The following TMPRSS11F variants were observed in gnomAD, a reference collection of about 807,000 sequenced individuals.
TMPRSS11F encodes the protein transmembrane protease serine 11F.
TMPRSS11F carries 47 observed loss-of-function variants against 60.2 expected under a neutral mutation model. The ratio of observed to expected loss-of-function variants is 0.78; its 90% confidence interval spans 0.62 to 1.00. The LOEUF is 1.00. Among genes scored for constraint, TMPRSS11F ranks in the 50% least tolerant of loss-of-function variants. The probability of loss-of-function intolerance (pLI) is 0.00; values close to 1 mark genes in which losing one functional copy is unlikely to be tolerated. For synonymous variants in TMPRSS11F, 166 were observed against 167.3 expected, an observed-to-expected ratio of 0.99 and a Z score of 0.06; for missense variants, 519 against 522.9, an observed-to-expected ratio of 0.99 and a Z score of 0.07.
chr4:68,129,840 C>G lies in TMPRSS11F; in HGVS notation c.-20G>C. 1 of 1,613,176 alleles carries G rather than the reference C, an allele frequency of 6.2e-7. No individual in the cohort carries two copies. The highest frequency in any genetic ancestry group is 8.5e-7 in the Non-Finnish European group (1 of 1,179,302). ...CATCATGAACCCAGGACTGGGGCAG[C>G]TTCTATTCAGTCACCATCTGATCTG... On this transcript the variant is annotated 5_prime_UTR_variant, in exon 1 of 10. Transcript: ENST00000356291.
intron 3 of TMPRSS11F, among the ~76,000 whole-genome samples, chr4:68,085,466 T>G (rs974891594): frequency 6.6e-6 from 1 of 152,216 alleles, no homozygotes; most frequent in Non-Finnish European, 1.5e-5. Context: ...GGTTTTGATT[T>G]GCATTTAAAC....
chr4:68,090,128 C>T (rs1033179268), intron 3 of TMPRSS11F, among the ~76,000 whole-genome samples: 1 of 151,996 alleles, frequency 6.6e-6, no homozygotes, highest in Non-Finnish European at 1.5e-5. Flanking sequence ...AGCTATACCA[C>T]GTCCTTTTAT....
intron 1 of TMPRSS11F, among the ~76,000 whole-genome samples, chr4:68,119,954 T>C (rs1053150965): frequency 6.6e-6 from 1 of 152,116 alleles, no homozygotes; most frequent in South Asian, 2.1e-4. Flanking sequence ...GGAGGGAAGG[T>C]CAAAATATCA....
At chr4:68,057,257 C>A (rs180963993) in intron 9 of TMPRSS11F, among the ~76,000 whole-genome samples, 77 of 148,896 alleles carry the variant, frequency 5.2e-4, no homozygotes, top group Non-Finnish European at 8.6e-4. Context: ...TGCACTCCAG[C>A]CTGAGTGACA....
chr4:68,072,572 A>G, intron 4 of TMPRSS11F, 86 bp from the exon 5 acceptor site: 1 of 1,052,382 alleles, frequency 9.5e-7, no homozygotes, highest in Non-Finnish European at 1.3e-6. Context: ...AACTTAAAAA[A>G]CATAATGCAT....
At chr4:68,107,908 GC>G (rs757191012) in intron 1 of TMPRSS11F, among the ~76,000 whole-genome samples, 1 of 152,148 alleles carries the variant, frequency 6.6e-6, no homozygotes, top group Non-Finnish European at 1.5e-5. Flanking sequence ...CTGCACTCCA[GC>G]CTGGAGACAA....
At position 68,053,849 on chromosome 4, in the gene TMPRSS11F, A is replaced by T; in HGVS notation, c.*60T>A. 6.7e-7 allele frequency: 1 copy of T among 1,496,572 alleles called. No homozygotes were observed. Among genetic ancestry groups the T allele is most frequent in the Non-Finnish European group, 9.1e-7 (1 of 1,093,946 alleles). 92.7% of individuals were successfully genotyped at this position (1,496,572 alleles called of 1,614,324 possible). A position where few individuals can be genotyped will look rare whatever the true frequency, so the allele number is the denominator to read the frequency against. On this transcript the variant is annotated 3_prime_UTR_variant, in exon 10 of 10. Transcript: ENST00000356291. ...TCCAAAGTAAATGAATTTAAACAAT[A>T]CAAAATACGCAGGAGTATCAGCTCT... is the stretch of plus-strand genomic sequence containing the variant.
At chr4:68,059,177 A>G in intron 9 of TMPRSS11F, 149 bp downstream of exon 9, 2 of 818,560 alleles carry the variant, frequency 2.4e-6, no homozygotes, top group Non-Finnish European at 3.7e-6. Context: ...ACTCAATACA[A>G]TTATTGTTAT....
At chr4:68,085,676 C>A (rs1408437955) in intron 3 of TMPRSS11F, among the ~76,000 whole-genome samples, 2 of 152,114 alleles carry the variant, frequency 1.3e-5, no homozygotes, top group African/African-American at 2.4e-5. Flanking sequence ...TTCAAAAGAA[C>A]CATCTCACAT....
intron 9 of TMPRSS11F, among the ~76,000 whole-genome samples, 188 bp downstream of exon 9, chr4:68,059,138 C>T (rs1478140731): frequency 6.6e-6 from 1 of 151,130 alleles, no homozygotes; most frequent in African/African-American, 2.4e-5. Flanking sequence ...ATAAAAAGTG[C>T]TTAATTTTTG....
intron 1 of TMPRSS11F, 111 bp downstream of exon 1, chr4:68,129,699 A>G: frequency 1.1e-6 from 1 of 943,660 alleles, no homozygotes. Flanking sequence ...ACACATTAAA[A>G]CTCTAATGTT....
intron 3 of TMPRSS11F, among the ~76,000 whole-genome samples, chr4:68,083,514 A>G (rs1243317443): frequency 1.3e-5 from 2 of 152,186 alleles, no homozygotes; most frequent in Admixed American, 6.5e-5. Flanking sequence ...AAATTCTTCC[A>G]AAACACATGC....
intron 3 of TMPRSS11F, among the ~76,000 whole-genome samples, chr4:68,078,351 T>G (rs1465654269): frequency 6.6e-6 from 1 of 152,208 alleles, no homozygotes; most frequent in East Asian, 1.9e-4. Flanking sequence ...TAATGACAAT[T>G]AAGTTAGCTC....
intron 2 of TMPRSS11F, among the ~76,000 whole-genome samples, chr4:68,096,508 C>T (rs963098718): frequency 6.6e-6 from 1 of 152,164 alleles, no homozygotes; most frequent in African/African-American, 2.4e-5. Flanking sequence ...TTTTACTGCG[C>T]AGCCTGTGGT....
At chr4:68,078,897 T>A (rs77135316) in intron 3 of TMPRSS11F, among the ~76,000 whole-genome samples, 6,139 of 152,078 alleles carry the variant, frequency 0.04, 372 homozygotes, top group African/African-American at 0.13. Flanking sequence ...CACATCTGAT[T>A]AATGTCCTTT....
intron 7 of TMPRSS11F, among the ~76,000 whole-genome samples, chr4:68,067,507 G>A (rs935074957): frequency 6.6e-6 from 1 of 150,738 alleles, no homozygotes; most frequent in East Asian, 2.0e-4. Context: ...CATAAAGAGA[G>A]ATCAGTTATA....
intron 9 of TMPRSS11F, among the ~76,000 whole-genome samples, chr4:68,055,115 G>A (rs1438447): frequency 0.68 from 102,978 of 152,034 alleles, 36,732 homozygotes; most frequent in East Asian, 0.88. Context: ...GCAAATGCAA[G>A]GGCCTAAAAA....
At chr4:68,067,461 T>G (rs1723354104) in intron 7 of TMPRSS11F, among the ~76,000 whole-genome samples, 1 of 152,222 alleles carries the variant, frequency 6.6e-6, no homozygotes. Context: ...CACTAAATAT[T>G]AAGTTGGAAT....
intron 1 of TMPRSS11F, among the ~76,000 whole-genome samples, chr4:68,123,853 A>G (rs1323366030): frequency 6.6e-6 from 1 of 152,218 alleles, no homozygotes; most frequent in Non-Finnish European, 1.5e-5. Flanking sequence ...AAGTCTATAC[A>G]TATGACTGAA....
Sources: gnomAD v4.1 joint callset for allele counts (sites outside exome capture counted in the v4.1 genomes callset) on GRCh38, gnomAD v4.1.1 for gene constraint, MANE v1.5 for transcripts, NCBI Gene and HGNC (gene_info 2026-07-23, HGNC 2026-07-21) for gene names.